The following SGMS1 variants were observed in gnomAD, a reference collection of about 807,000 sequenced individuals.
The protein encoded by SGMS1 is sphingomyelin synthase 1.
Under a neutral mutation model 46.2 loss-of-function variants are expected in SGMS1, and 13 were observed. That is an observed-to-expected ratio of 0.28 (90% CI 0.18 to 0.45). The LOEUF is 0.45. SGMS1 is among the 20% of genes least tolerant of loss of function. The probability of loss-of-function intolerance (pLI) is 1.00; values close to 1 mark genes in which losing one functional copy is unlikely to be tolerated. For synonymous variants in SGMS1, 203 were observed against 187.8 expected (o/e 1.08, Z -0.66); for missense variants, 324 against 519.9 (o/e 0.62, Z 3.66).
intron 3 of SGMS1, among the ~76,000 whole-genome samples, chr10:50,470,024 A>C (rs1172307179): frequency 2.0e-5 from 3 of 152,176 alleles, no homozygotes; most frequent in African/African-American, 7.2e-5. Flanking sequence ...GGTTTCCTGA[A>C]GCAACACCGA....
At chr10:50,513,645 G>A (rs1157133105) in intron 3 of SGMS1, among the ~76,000 whole-genome samples, 2 of 152,018 alleles carry the variant, frequency 1.3e-5, no homozygotes, top group East Asian at 3.8e-4. Flanking sequence ...CTAAAGATGA[G>A]GATAGCACTA....
At chr10:50,471,953 AAGAC>A (rs1208151129) in intron 3 of SGMS1, among the ~76,000 whole-genome samples, 3 of 152,212 alleles carry the variant, frequency 2.0e-5, no homozygotes, top group Non-Finnish European at 4.4e-5. Flanking sequence ...CTCAGTACAT[AAGAC>A]AGACATTGGT....
chr10:50,533,410 T>C (rs1001494995), intron 2 of SGMS1, among the ~76,000 whole-genome samples: 1 of 152,198 alleles, frequency 6.6e-6, no homozygotes, highest in African/African-American at 2.4e-5. Flanking sequence ...TTGTTCTGGT[T>C]TTCAGCACAG....
intron 6 of SGMS1, among the ~76,000 whole-genome samples, chr10:50,394,740 T>C (rs886674419): frequency 2.0e-5 from 3 of 152,258 alleles, no homozygotes; most frequent in African/African-American, 7.2e-5. Context: ...AAGTTTACAA[T>C]GACTTTCAGG....
At chr10:50,620,160 C>T (rs1838835788) in intron 1 of SGMS1, among the ~76,000 whole-genome samples, 3 of 152,274 alleles carry the variant, frequency 2.0e-5, no homozygotes. Context: ...TCCCTTTCTT[C>T]ACTCTCTCCT....
At chr10:50,377,931 T>C (rs960416053) in intron 6 of SGMS1, among the ~76,000 whole-genome samples, 2 of 152,220 alleles carry the variant, frequency 1.3e-5, no homozygotes. Context: ...CTTATAAGGA[T>C]ACATATGATT....
At chr10:50,425,391 C>T (rs1405703839) in intron 6 of SGMS1, among the ~76,000 whole-genome samples, 1 of 152,156 alleles carries the variant, frequency 6.6e-6, no homozygotes, top group African/African-American at 2.4e-5. Flanking sequence ...GTGGTACATA[C>T]ATGCCATGGA....
At chr10:50,602,621 T>C (rs952987357) in intron 1 of SGMS1, among the ~76,000 whole-genome samples, 1 of 152,152 alleles carries the variant, frequency 6.6e-6, no homozygotes, top group Non-Finnish European at 1.5e-5. Context: ...GTCCCTGAAC[T>C]TACACTGAAA....
chr10:50,453,737 AG>A (rs1837142170), intron 5 of SGMS1, among the ~76,000 whole-genome samples: 1 of 141,026 alleles, frequency 7.1e-6, no homozygotes, highest in South Asian at 2.5e-4. Flanking sequence ...AAAGATTCTC[AG>A]GGAGAGACAG....
At chr10:50,330,260 C>T (rs1332311738) in intron 7 of SGMS1, among the ~76,000 whole-genome samples, 1 of 151,818 alleles carries the variant, frequency 6.6e-6, no homozygotes, top group Non-Finnish European at 1.5e-5. Context: ...TCAAGATCAG[C>T]CTGGACAACA....
At chr10:50,399,804 G>A (rs551641777) in intron 6 of SGMS1, among the ~76,000 whole-genome samples, 4 of 152,102 alleles carry the variant, frequency 2.6e-5, no homozygotes, top group Admixed American at 1.3e-4. Flanking sequence ...CGAGGCAGGC[G>A]GATCACGAGG....
chr10:50,475,109 C>T (rs760876488), intron 3 of SGMS1, among the ~76,000 whole-genome samples: 1 of 152,144 alleles, frequency 6.6e-6, no homozygotes, highest in Admixed American at 6.5e-5. Flanking sequence ...AGGCTATGCA[C>T]TTTTGACTAA....
chr10:50,519,591 G>A (rs1005433041), intron 3 of SGMS1, among the ~76,000 whole-genome samples: 1 of 152,088 alleles, frequency 6.6e-6, no homozygotes, highest in Non-Finnish European at 1.5e-5. Context: ...TACCACCCCG[G>A]CCCAGATTGC....
intron 6 of SGMS1, among the ~76,000 whole-genome samples, chr10:50,361,964 T>C (rs1242112830): frequency 1.3e-5 from 2 of 152,212 alleles, no homozygotes; most frequent in African/African-American, 4.8e-5. Flanking sequence ...AAACCAGTCA[T>C]TTCATACCTT....
At chr10:50,521,578 C>T (rs1283820638) in intron 2 of SGMS1, among the ~76,000 whole-genome samples, 1 of 152,150 alleles carries the variant, frequency 6.6e-6, no homozygotes, top group African/African-American at 2.4e-5. Flanking sequence ...GCTGCCATTA[C>T]TTTTCAGCTT....
chr10:50,578,551 G>T (rs1320304027), intron 2 of SGMS1, among the ~76,000 whole-genome samples: 1 of 152,178 alleles, frequency 6.6e-6, no homozygotes, highest in Non-Finnish European at 1.5e-5. Flanking sequence ...AGAGGCAGCT[G>T]CTGCACAGTT....
intron 6 of SGMS1, among the ~76,000 whole-genome samples, chr10:50,394,940 C>T (rs931489582): frequency 5.9e-5 from 9 of 152,300 alleles, no homozygotes; most frequent in Non-Finnish European, 8.8e-5. Context: ...TATACCATCA[C>T]GAACTAATCA....
At chr10:50,470,166 A>G (rs1288142843) in intron 3 of SGMS1, among the ~76,000 whole-genome samples, 1 of 152,124 alleles carries the variant, frequency 6.6e-6, no homozygotes, top group Admixed American at 6.5e-5. Context: ...TTCTCAGGGG[A>G]AAGATGGTGT....
At chr10:50,598,738 A>G (rs1296989772) in intron 1 of SGMS1, among the ~76,000 whole-genome samples, 1 of 152,186 alleles carries the variant, frequency 6.6e-6, no homozygotes, top group Non-Finnish European at 1.5e-5. Context: ...ACTCCATGAA[A>G]TTATGCAAGC....
Sources: allele counts gnomAD v4.1 joint callset (sites outside exome capture counted in the v4.1 genomes callset), GRCh38; gene constraint gnomAD v4.1.1; transcripts MANE v1.5; gene names NCBI Gene and HGNC (gene_info 2026-07-23, HGNC 2026-07-21).